The following FSTL4 variants were observed in gnomAD, a reference collection of about 807,000 sequenced individuals.
The protein encoded by FSTL4 is follistatin-related protein 4.
FSTL4 carries 28 observed loss-of-function variants against 78.2 expected under a neutral mutation model. The observed-to-expected ratio is 0.36, with a 90% confidence interval of 0.27 to 0.49. The LOEUF (loss-of-function observed/expected upper bound fraction) is 0.49. FSTL4 is among the 20% of genes least tolerant of loss of function. The pLI is 0.98. For synonymous variants in FSTL4, 422 were observed against 440.5 expected (o/e 0.96, Z 0.53); for missense variants, 922 against 1,084.9 (o/e 0.85, Z 2.11).
At chr5:133,517,474 A>AC (rs1758884793) in intron 3 of FSTL4, among the ~76,000 whole-genome samples, 1 of 11,464 alleles carries the variant, frequency 8.7e-5, no homozygotes, top group Non-Finnish European at 2.5e-4. Context: ...GCACACACAC[A>AC]CACACCACAC....
chr5:133,374,181 C>T (rs937810889), intron 4 of FSTL4, among the ~76,000 whole-genome samples: 2 of 152,240 alleles, frequency 1.3e-5, no homozygotes, highest in African/African-American at 4.8e-5. Flanking sequence ...CACACTCAGA[C>T]TTACTGACCT....
intron 3 of FSTL4, among the ~76,000 whole-genome samples, chr5:133,425,967 T>TG (rs1313964645): frequency 6.6e-6 from 1 of 152,204 alleles, no homozygotes; most frequent in Non-Finnish European, 1.5e-5. Flanking sequence ...AGGAATGACG[T>TG]GGGGGGCTCT....
intron 7 of FSTL4, chr5:133,248,057 GCTGACCACAGTC>G (rs1561642161): frequency 6.6e-6 from 1 of 152,272 alleles, no homozygotes; most frequent in Non-Finnish European, 1.5e-5. Context: ...TAGCAGCATT[GCTGACCACAGTC>G]CCTGCCTGAG....
intron 4 of FSTL4, among the ~76,000 whole-genome samples, chr5:133,318,357 T>C (rs994907476): frequency 6.6e-6 from 1 of 152,084 alleles, no homozygotes; most frequent in Non-Finnish European, 1.5e-5. Context: ...CTACAAAACT[T>C]GATGGGTTTT....
intron 3 of FSTL4, among the ~76,000 whole-genome samples, chr5:133,412,597 A>G (rs990837303): frequency 6.6e-6 from 1 of 152,206 alleles, no homozygotes; most frequent in Non-Finnish European, 1.5e-5. Context: ...TGGCTTAAGC[A>G]TTATCGTACA....
the FSTL4 span, among the ~76,000 whole-genome samples, chr5:133,719,609 G>T: frequency 6.7e-6 from 1 of 149,458 alleles, no homozygotes; most frequent in Admixed American, 6.7e-5. Flanking sequence ...GGAGACAGAG[G>T]CTGCGGTGAG....
Position 133,361,623 on chromosome 5 carries a change from T to A in FSTL4, c.409+39115A>T, listed in dbSNP as rs181989706. 6.6e-6 allele frequency among the ~76,000 whole-genome samples: 1 copy of A among 152,346 alleles called. No homozygotes were observed. The highest frequency in any genetic ancestry group is 1.9e-4 in the East Asian group (1 of 5,192). On this transcript the variant is annotated intron_variant, in intron 4 of 15. Coordinates refer to ENST00000265342, the MANE Select transcript of FSTL4 (RefSeq NM_015082.2). This position sits in a 1 kb window ranked among gnomAD's most constrained non-coding sequence, Gnocchi z 4.3. ...TCCCTAAAAATTTTGAGACTGGGAA[T>A]GTATAGCCATGAGGAAACCCAAAGG...
At chr5:133,518,017 A>G (rs973746925) in intron 3 of FSTL4, among the ~76,000 whole-genome samples, 1 of 152,262 alleles carries the variant, frequency 6.6e-6, no homozygotes, top group Admixed American at 6.5e-5. Context: ...AAATATCTAG[A>G]ATAATGTCTG....
At chr5:133,770,462 T>G in the FSTL4 span, among the ~76,000 whole-genome samples, 3 of 152,224 alleles carry the variant, frequency 2.0e-5, no homozygotes, top group African/African-American at 7.2e-5. Flanking sequence ...TTAATTTGCA[T>G]TTCTCTGATG....
rs1411382519 is a variant in FSTL4, at chr5:133,199,867, T to C, written c.1827-70A>G. 9.7e-6 allele frequency: 7 copies of C among 721,856 alleles called. No individual in the cohort carries two copies. Among genetic ancestry groups the C allele is most frequent in the Non-Finnish European group, 1.6e-5 (7 of 426,002 alleles). 44.7% of individuals were successfully genotyped at this position (721,856 alleles called of 1,614,324 possible). Reference sequence around the variant, plus strand: ...GGAATCTGTCATTTGTCTTAAACAATTACATCCTCTGCCTTTTCCCTTTAT... The same window carrying C: ...GGAATCTGTCATTTGTCTTAAACAACTACATCCTCTGCCTTTTCCCTTTAT... On this transcript the variant is annotated intron_variant, in intron 15 of 15. Coordinates refer to ENST00000265342, the MANE Select transcript of FSTL4 (RefSeq NM_015082.2). The surrounding 1 kb of genome is among the most constrained non-coding windows in gnomAD (Gnocchi z 4.4).
At chr5:133,378,230 T>G (rs1040049255) in intron 4 of FSTL4, among the ~76,000 whole-genome samples, 5 of 152,222 alleles carry the variant, frequency 3.3e-5, no homozygotes. Flanking sequence ...TATGTAATTA[T>G]AGCAGACAGT....
intron 3 of FSTL4, among the ~76,000 whole-genome samples, chr5:133,520,515 A>G (rs925215067): frequency 2.0e-5 from 3 of 152,198 alleles, no homozygotes; most frequent in East Asian, 3.9e-4. Flanking sequence ...CCTGGAGTGT[A>G]GCACTTCAGG....
intron 3 of FSTL4, among the ~76,000 whole-genome samples, chr5:133,455,318 G>A (rs921795501): frequency 6.6e-6 from 1 of 152,168 alleles, no homozygotes; most frequent in African/African-American, 2.4e-5. Context: ...CAATTATCTT[G>A]AGAGGTATTT....
chr5:133,774,644 A>G, the FSTL4 span, among the ~76,000 whole-genome samples: 3,587 of 152,280 alleles, frequency 0.024, 67 homozygotes, highest in Non-Finnish European at 0.037. Context: ...CTCTTATCTT[A>G]TAATAAAAGC....
chr5:133,392,851 C>T (rs562894525), intron 4 of FSTL4, among the ~76,000 whole-genome samples: 2 of 152,302 alleles, frequency 1.3e-5, no homozygotes, highest in Non-Finnish European at 2.9e-5. Flanking sequence ...GAAATCAATG[C>T]ACCACGAGAC....
At chr5:133,479,380 G>T (rs896767545) in intron 3 of FSTL4, among the ~76,000 whole-genome samples, 3 of 152,244 alleles carry the variant, frequency 2.0e-5, no homozygotes, top group African/African-American at 7.2e-5. Context: ...TACCGAGGCC[G>T]TAAGACTTCT....
the FSTL4 span, among the ~76,000 whole-genome samples, chr5:133,746,551 T>TAGAAAAAATAATTTTTTCTCAGAC: frequency 6.6e-6 from 1 of 152,008 alleles, no homozygotes; most frequent in Non-Finnish European, 1.5e-5. Context: ...TCACTCTGGA[T>TAGAAAAAATAATTTTTTCTCAGAC]AGAAAAAATA....
chr5:133,264,627 G>A (rs1245796388), intron 6 of FSTL4, among the ~76,000 whole-genome samples: 1 of 152,188 alleles, frequency 6.6e-6, no homozygotes, highest in Non-Finnish European at 1.5e-5. Context: ...GCAGACGCAT[G>A]GCAGCAAAGT....
At chr5:133,632,010 TA>T in the FSTL4 span, among the ~76,000 whole-genome samples, 15 of 151,956 alleles carry the variant, frequency 9.9e-5, no homozygotes, top group African/African-American at 3.6e-4. Flanking sequence ...GGGTGGGGGT[TA>T]GGGGAGGGAT....
Sources: gnomAD v4.1 joint callset for allele counts (sites outside exome capture counted in the v4.1 genomes callset) on GRCh38, gnomAD v4.1.1 for gene constraint, Gnocchi (gnomAD v3.1) non-coding constraint, MANE v1.5 for transcripts, NCBI Gene and HGNC (gene_info 2026-07-23, HGNC 2026-07-21) for gene names.